SHISA9: variants seen among roughly 807,000 people sequenced by gnomAD.
SHISA9 encodes the protein protein shisa-9.
SHISA9 carries 13 observed loss-of-function variants against 38.0 expected under a neutral mutation model. That is an observed-to-expected ratio of 0.34 (90% CI 0.22 to 0.54). The LOEUF is 0.54. SHISA9 is among the 20% of genes least tolerant of loss of function. The probability of loss-of-function intolerance (pLI) is 0.91; values close to 1 mark genes in which losing one functional copy is unlikely to be tolerated. For synonymous variants in SHISA9, 275 were observed against 242.0 expected, an observed-to-expected ratio of 1.14 and a Z score of -1.27; for missense variants, 538 against 575.8, an observed-to-expected ratio of 0.93 and a Z score of 0.67.
At chr16:13,491,311 C>T in the SHISA9 span, among the ~76,000 whole-genome samples, 1 of 151,714 alleles carries the variant, frequency 6.6e-6, no homozygotes, top group African/African-American at 2.4e-5. Context: ...AACTAGAAAA[C>T]ACTGATTACC....
the SHISA9 span, among the ~76,000 whole-genome samples, chr16:13,453,172 G>A: frequency 6.6e-6 from 1 of 152,084 alleles, no homozygotes; most frequent in Non-Finnish European, 1.5e-5. Context: ...ACAGGTGTGA[G>A]CCACCGCGCC....
At chr16:13,046,996 A>G (rs1185276209) in intron 2 of SHISA9, among the ~76,000 whole-genome samples, 1 of 152,152 alleles carries the variant, frequency 6.6e-6, no homozygotes, top group Non-Finnish European at 1.5e-5. Context: ...TGCTGGACAC[A>G]GAGAAGAAGC....
At chr16:13,469,277 TAA>T in the SHISA9 span, among the ~76,000 whole-genome samples, 259 of 101,860 alleles carry the variant, frequency 2.5e-3, 4 homozygotes, top group East Asian at 0.018. Context: ...TAATTTAAGG[TAA>T]GAGAGAGAGA....
chr16:13,513,491 A>G, the SHISA9 span, among the ~76,000 whole-genome samples: 1 of 152,218 alleles, frequency 6.6e-6, no homozygotes, highest in Non-Finnish European at 1.5e-5. Flanking sequence ...TATTGGGTAT[A>G]TACCCCAAAA....
At chr16:13,488,699 C>A in the SHISA9 span, among the ~76,000 whole-genome samples, 1 of 152,200 alleles carries the variant, frequency 6.6e-6, no homozygotes, top group African/African-American at 2.4e-5. Flanking sequence ...GTAAAAGTTA[C>A]AGTGTTTGCA....
intron 2 of SHISA9, among the ~76,000 whole-genome samples, chr16:13,122,246 G>T (rs932375363): frequency 1.3e-5 from 2 of 152,176 alleles, no homozygotes; most frequent in African/African-American, 2.4e-5. Flanking sequence ...AGTCACTGCC[G>T]AATTCTTTTG....
chr16:13,443,219 A>G, the SHISA9 span, among the ~76,000 whole-genome samples: 1 of 152,226 alleles, frequency 6.6e-6, no homozygotes, highest in Non-Finnish European at 1.5e-5. Context: ...AAGAGATTTT[A>G]TTGAGGTTGA....
intron 2 of SHISA9, among the ~76,000 whole-genome samples, chr16:13,167,014 TAGG>T (rs1381869854): frequency 6.6e-6 from 1 of 151,934 alleles, no homozygotes; most frequent in East Asian, 1.9e-4. Context: ...TTTTTTCCTT[TAGG>T]AGAATTTTTT....
chr16:12,973,058 G>A (rs2072105758), intron 2 of SHISA9, among the ~76,000 whole-genome samples: 2 of 152,224 alleles, frequency 1.3e-5, no homozygotes, highest in African/African-American at 4.8e-5. Context: ...GGAGGTTGCA[G>A]TGAGCTGAGA....
At chr16:13,437,050 C>T in the SHISA9 span, among the ~76,000 whole-genome samples, 1 of 152,286 alleles carries the variant, frequency 6.6e-6, no homozygotes, top group South Asian at 2.1e-4. Context: ...GGAAACCCCA[C>T]CCCATGATTC....
At chr16:12,930,730 A>G (rs1216760750) in intron 2 of SHISA9, among the ~76,000 whole-genome samples, 6 of 152,194 alleles carry the variant, frequency 3.9e-5, no homozygotes, top group South Asian at 2.1e-4. Flanking sequence ...TAGGGTCACA[A>G]TATTGATTTT....
At chr16:13,500,606 T>TG in the SHISA9 span, among the ~76,000 whole-genome samples, 159 of 39,008 alleles carry the variant, frequency 4.1e-3, no homozygotes, top group African/African-American at 0.017. Flanking sequence ...GAGTGGAGTG[T>TG]GGGGGGAGGC....
chr16:13,280,775 A>G, the SHISA9 span, among the ~76,000 whole-genome samples: 4 of 151,872 alleles, frequency 2.6e-5, no homozygotes, highest in East Asian at 7.7e-4. Context: ...CAAGAATCTA[A>G]ATATAAGAAT....
At chr16:13,258,820 C>G in the SHISA9 span, among the ~76,000 whole-genome samples, 3 of 152,176 alleles carry the variant, frequency 2.0e-5, no homozygotes, top group Non-Finnish European at 2.9e-5. Flanking sequence ...CAATTACCTC[C>G]CTCTGGGTCC....
the SHISA9 span, among the ~76,000 whole-genome samples, chr16:13,422,736 C>T: frequency 6.6e-6 from 1 of 151,958 alleles, no homozygotes; most frequent in Non-Finnish European, 1.5e-5. Flanking sequence ...CAAACAAAAA[C>T]CACCACCACC....
chr16:13,104,644 G>A (rs1264836387), intron 2 of SHISA9, among the ~76,000 whole-genome samples: 1 of 152,132 alleles, frequency 6.6e-6, no homozygotes, highest in Admixed American at 6.5e-5. Context: ...TCCAGAAATG[G>A]CAAATCTATT....
the SHISA9 span, among the ~76,000 whole-genome samples, chr16:13,264,547 G>C: frequency 6.6e-6 from 1 of 152,036 alleles, no homozygotes; most frequent in Non-Finnish European, 1.5e-5. Flanking sequence ...TGAAGCATCC[G>C]GTGTACAGTT....
chr16:13,402,447 C>T, the SHISA9 span, among the ~76,000 whole-genome samples: 5 of 151,890 alleles, frequency 3.3e-5, no homozygotes, highest in East Asian at 1.9e-4. Context: ...ACCCTTCCTC[C>T]GCTTTTTTGT....
chr16:13,062,394 T>C (rs2073386659), intron 2 of SHISA9, among the ~76,000 whole-genome samples: 1 of 152,176 alleles, frequency 6.6e-6, no homozygotes, highest in Non-Finnish European at 1.5e-5. Flanking sequence ...GATCAAGGAC[T>C]GCATCTAGGT....
Sources: allele counts gnomAD v4.1 joint callset (sites outside exome capture counted in the v4.1 genomes callset), GRCh38; gene constraint gnomAD v4.1.1; transcripts MANE v1.5; gene names NCBI Gene and HGNC (gene_info 2026-07-23, HGNC 2026-07-21).